The following ATP2B1 variants were observed in gnomAD, a reference collection of about 807,000 sequenced individuals.
ATP2B1 encodes the protein plasma membrane calcium-transporting ATPase 1.
ATP2B1 carries 14 observed loss-of-function variants against 124.2 expected under a neutral mutation model. The observed-to-expected ratio is 0.11, with a 90% CI of 0.07 to 0.18. The LOEUF (loss-of-function observed/expected upper bound fraction) is 0.18. Among genes scored for constraint, ATP2B1 ranks in the 10% least tolerant of loss-of-function variants. The pLI, the probability that ATP2B1 is intolerant of heterozygous loss-of-function variation, is 1.00. For synonymous variants in ATP2B1, 449 were observed against 492.4 expected, an observed-to-expected ratio of 0.91 and a Z score of 1.17; for missense variants, 763 against 1,466.1, an observed-to-expected ratio of 0.52 and a Z score of 7.83.
intron 1 of ATP2B1, among the ~76,000 whole-genome samples, chr12:89,667,577 CTGT>C: frequency 6.6e-6 from 1 of 152,166 alleles, no homozygotes; most frequent in East Asian, 1.9e-4. Flanking sequence ...CCCCCAACAC[CTGT>C]TGTTGTTCTC....
At chr12:89,697,322 T>C (rs1423627824) in intron 1 of ATP2B1, among the ~76,000 whole-genome samples, 2 of 152,194 alleles carry the variant, frequency 1.3e-5, no homozygotes, top group Non-Finnish European at 2.9e-5. Context: ...TCAATTGTTC[T>C]ATATAATAAA....
chr12:89,668,506 T>C (rs888774114), intron 1 of ATP2B1, among the ~76,000 whole-genome samples: 2 of 152,190 alleles, frequency 1.3e-5, no homozygotes, highest in African/African-American at 4.8e-5. Context: ...CTGGTAACTT[T>C]TTAATATAGG....
rs751807755 is a variant in ATP2B1, at chr12:89,620,134, T to C, written c.1694A>G (p.Asn565Ser). The C allele has an allele frequency of 1.2e-6, 2 of 1,614,008 alleles. No individual in the cohort carries two copies. Among genetic ancestry groups the C allele is most frequent in the African/African-American group, 2.7e-5 (2 of 74,928 alleles). ...GTACAGTGCTTCTTCTGGTATTTCA[T>C]TTCTAACATCCTGATAATCCCGTTT... ...DLKRDYQDVR[N>S]EIPEEALYKV... is the part of the protein sequence containing the mutation. Residue 565 changes from asparagine (N) to serine (S), a missense_variant, in exon 11 of 21, where the codon AAT becomes AGT. Physicochemically the swap from Asn to Ser is conservative, Grantham distance 46. Coordinates refer to ENST00000428670, the MANE Select transcript of ATP2B1 (RefSeq NM_001366521.1).
At chr12:89,611,924 G>A (rs1332514022) in intron 12 of ATP2B1, 1 of 152,100 alleles carries the variant, frequency 6.6e-6, no homozygotes, top group Middle Eastern at 3.2e-3. Context: ...AGTGGGTATC[G>A]ATTCAGGTGT....
At chr12:89,644,129 A>G (rs965152464) in intron 2 of ATP2B1, among the ~76,000 whole-genome samples, 3 of 151,724 alleles carry the variant, frequency 2.0e-5, no homozygotes, top group Admixed American at 6.6e-5. Flanking sequence ...TTCCGAAAAA[A>G]AAGAAAGAAA....
chr12:89,642,017 T>C, intron 3 of ATP2B1, 141 bp downstream of exon 3: 1 of 796,460 alleles, frequency 1.3e-6, no homozygotes, highest in Admixed American at 2.7e-5. Context: ...TTATCTGAGA[T>C]AATATATTTA....
chr12:89,619,524 A>G (rs990655185), intron 11 of ATP2B1, among the ~76,000 whole-genome samples: 1 of 151,918 alleles, frequency 6.6e-6, no homozygotes, highest in Middle Eastern at 3.4e-3. Context: ...AGGCAGGAGA[A>G]TCCCTTGAAC....
intron 1 of ATP2B1, among the ~76,000 whole-genome samples, chr12:89,688,154 A>C: frequency 6.6e-6 from 1 of 152,006 alleles, no homozygotes; most frequent in East Asian, 1.9e-4. Context: ...AATCTAACCC[A>C]AGGAGAAGAT....
rs73198549 is a variant in ATP2B1 at position 89,669,616 on chromosome 12, T to C, written c.-221-13509A>G. ...ATTAAATGAATTACCATATGAACTA[T>C]CTTAGAATCATCCCAATGTCTTAGA... On this transcript the variant is annotated intron_variant, in intron 1 of 20. Transcript: ENST00000428670. Among the ~76,000 whole-genome samples, 1,384 of 152,320 alleles carry C rather than the reference T, an allele frequency of 9.1e-3. 3 individuals carry two copies. Among genetic ancestry groups the C allele is most frequent in the Non-Finnish European group, 0.015 (991 of 68,026 alleles).
At chr12:89,683,441 C>A (rs75767287) in intron 1 of ATP2B1, among the ~76,000 whole-genome samples, 1 of 152,196 alleles carries the variant, frequency 6.6e-6, no homozygotes, top group Non-Finnish European at 1.5e-5. Context: ...AGAAATCAGG[C>A]TCCCAATTCC....
At chr12:89,669,330 G>C (rs1887670224) in intron 1 of ATP2B1, among the ~76,000 whole-genome samples, 1 of 152,136 alleles carries the variant, frequency 6.6e-6, no homozygotes, top group African/African-American at 2.4e-5. Context: ...AAGACAAACA[G>C]ATGTCCTTTA....
intron 11 of ATP2B1, 90 bp from the exon 12 acceptor site, chr12:89,617,129 G>C: frequency 1.1e-6 from 1 of 927,202 alleles, no homozygotes; most frequent in Non-Finnish European, 1.7e-6. Flanking sequence ...AGAAATCATG[G>C]GATCTGATAT....
rs1339285834 is a variant in ATP2B1 at position 89,616,879 on chromosome 12, A to G, written c.1990T>C (p.Trp664Arg). 6.2e-7 allele frequency: 1 copy of G among 1,613,776 alleles called. No homozygotes were observed. The highest frequency in any genetic ancestry group is 1.1e-5 in the South Asian group (1 of 91,066). The stretch of plus-strand genomic sequence containing the variant: ...GTGACAATATCATTTTCATTATCCC[A>G]CTCTGGTTCTGGTTCTCCTGCTGGA... ...DFPAGEPEPE[W>R]DNENDIVTGL... Residue 664 changes from tryptophan (W) to arginine (R), a missense_variant, in exon 12 of 21, where the codon TGG becomes CGG. By Grantham distance (101) the Trp-to-Arg change is moderately radical. Transcript: ENST00000428670.
intron 1 of ATP2B1, among the ~76,000 whole-genome samples, chr12:89,674,432 G>A (rs1421681725): frequency 6.6e-6 from 1 of 150,518 alleles, no homozygotes; most frequent in African/African-American, 2.4e-5. Flanking sequence ...GGCAGTATTA[G>A]AAACAAATTC....
intron 2 of ATP2B1, among the ~76,000 whole-genome samples, chr12:89,652,548 A>G (rs975633384): frequency 2.0e-5 from 3 of 152,218 alleles, no homozygotes; most frequent in African/African-American, 7.2e-5. Flanking sequence ...TTCTAACGAA[A>G]GAGTACTTGC....
At position 89,643,099 on chromosome 12, in the gene ATP2B1, CATACGTATATAT is replaced by C. The variant is rs1215769461; in HGVS notation, c.209-756_209-745del. ...ACACACACACACACACACATATATA[CATACGTATATAT>C]ATACGTATATACACGTATATATGTA... On this transcript the variant is annotated intron_variant, in intron 2 of 20. Coordinates refer to ENST00000428670, the MANE Select transcript of ATP2B1 (RefSeq NM_001366521.1). 2.2e-3 allele frequency among the ~76,000 whole-genome samples: 321 copies of C among 145,254 alleles called. 1 individual carries two copies. The highest frequency in any genetic ancestry group is 7.7e-3 in the African/African-American group (307 of 39,928).
intron 1 of ATP2B1, among the ~76,000 whole-genome samples, chr12:89,681,966 T>A (rs1458029091): frequency 1.3e-5 from 2 of 152,084 alleles, no homozygotes; most frequent in Non-Finnish European, 2.9e-5. Context: ...GGAAAAATGA[T>A]CTCTACAGAT....
intron 20 of ATP2B1, chr12:89,594,972 C>A (rs1874301908): frequency 1.3e-5 from 2 of 151,984 alleles, no homozygotes; most frequent in Admixed American, 6.6e-5. Flanking sequence ...TACTTTGCAA[C>A]TAGAAACAAA....
chr12:89,699,235 C>A (rs1027856538), intron 1 of ATP2B1, among the ~76,000 whole-genome samples: 3 of 152,146 alleles, frequency 2.0e-5, no homozygotes, highest in Admixed American at 6.5e-5. Flanking sequence ...TCTCTTCTCC[C>A]TTGTGGATTT....
Sources: gnomAD v4.1 joint callset for allele counts (sites outside exome capture counted in the v4.1 genomes callset) on GRCh38, gnomAD v4.1.1 for gene constraint, MANE v1.5 for transcripts, NCBI Gene and HGNC (gene_info 2026-07-23, HGNC 2026-07-21) for gene names.